The following NCOA7 variants were observed in gnomAD, a reference collection of about 807,000 sequenced individuals.
NCOA7 encodes the protein nuclear receptor coactivator 7.
In NCOA7, 45 loss-of-function variants were observed where a neutral mutation model predicts 104.3. The observed-to-expected ratio is 0.43, with a 90% CI of 0.34 to 0.55. The LOEUF is 0.55. Ranked by LOEUF, NCOA7 falls within the 20% of genes least tolerant of loss-of-function variation. NCOA7 has a pLI of 0.02. For missense variants in NCOA7, 1,041 were observed against 1,119.7 expected, an observed-to-expected ratio of 0.93 and a Z score of 1.00; for synonymous variants, 398 against 402.3, an observed-to-expected ratio of 0.99 and a Z score of 0.13.
chr6:125,928,110 A>G (rs1443228886), intron 14 of NCOA7, 64 bp from the exon 15 acceptor site: 4 of 1,422,406 alleles, frequency 2.8e-6, no homozygotes, highest in Non-Finnish European at 3.0e-6. Flanking sequence ...ACTATTTCAT[A>G]TTTCCTCATT....
In NCOA7 at chr6:125,856,498, A is replaced by G. The variant is rs1185953193; in HGVS notation, c.271+1258A>G. Among the ~76,000 whole-genome samples, 12 of 151,810 alleles carry G rather than the reference A, an allele frequency of 7.9e-5. No homozygotes were observed. In the East Asian group the frequency reaches 2.1e-3, roughly 27 times the overall value. ...CTCCCGAGTAGCTGGGACTAGAGGC[A>G]CCCGCCACCACGCCCGGCTAATTTT... On this transcript the variant is annotated intron_variant, in intron 3 of 15. Transcript: ENST00000392477.
chr6:125,900,577 T>C (rs1473312299), intron 10 of NCOA7, among the ~76,000 whole-genome samples: 1 of 152,232 alleles, frequency 6.6e-6, no homozygotes, highest in Non-Finnish European at 1.5e-5. Context: ...TATGTGTACA[T>C]TGTGAAATAT....
At chr6:125,809,274 C>T (rs112050549) in intron 1 of NCOA7, among the ~76,000 whole-genome samples, 1 of 151,930 alleles carries the variant, frequency 6.6e-6, no homozygotes, top group African/African-American at 2.4e-5. Flanking sequence ...CTGCAACCTC[C>T]GCCTCTCAGG....
intron 7 of NCOA7, 105 bp from the exon 8 acceptor site, chr6:125,885,054 T>G (rs1562978361): frequency 6.9e-6 from 8 of 1,156,988 alleles, no homozygotes; most frequent in Non-Finnish European, 1.0e-5. Context: ...GATACTGTGG[T>G]TCACAAAGTC....
At chr6:125,781,817 C>T (rs994073843) in intron 1 of NCOA7, among the ~76,000 whole-genome samples, 7 of 152,238 alleles carry the variant, frequency 4.6e-5, no homozygotes, top group African/African-American at 1.4e-4. Flanking sequence ...TTCTGTATCT[C>T]CCAGAAATAA....
chr6:125,788,540 CTTT>C (rs59616110), upstream of NCOA7, among the ~76,000 whole-genome samples: 1 of 141,532 alleles, frequency 7.1e-6, no homozygotes, highest in Admixed American at 7.1e-5. Context: ...TTTGGAAGAC[CTTT>C]TTTTTTTTTT....
intron 13 of NCOA7, among the ~76,000 whole-genome samples, chr6:125,925,951 A>G (rs1171580664): frequency 6.6e-6 from 1 of 152,234 alleles, no homozygotes; most frequent in Non-Finnish European, 1.5e-5. Context: ...TAACAAAATT[A>G]ACAGTAATTC....
At chr6:125,919,065 G>C (rs1360056041) in intron 11 of NCOA7, among the ~76,000 whole-genome samples, 2 of 152,154 alleles carry the variant, frequency 1.3e-5, no homozygotes, top group Non-Finnish European at 2.9e-5. Context: ...ATGAACAATG[G>C]GGTTTTATCA....
chr6:125,896,667 T>TGTAGTTC (rs1785047173), intron 10 of NCOA7, among the ~76,000 whole-genome samples: 1 of 152,094 alleles, frequency 6.6e-6, no homozygotes. Context: ...GGCACACACC[T>TGTAGTTC]GTAGTTCCCA....
chr6:125,846,134 G>C (rs1187247704), intron 2 of NCOA7, among the ~76,000 whole-genome samples: 3 of 151,924 alleles, frequency 2.0e-5, no homozygotes, highest in African/African-American at 7.3e-5. Flanking sequence ...GCAGTGTTTT[G>C]TTGTTGTTCT....
intron 13 of NCOA7, 21 bp from the exon 14 acceptor site, chr6:125,927,642 A>G (rs1788151090): frequency 6.3e-7 from 1 of 1,587,564 alleles, no homozygotes; most frequent in Non-Finnish European, 8.7e-7. Context: ...TGTAGGTAAC[A>G]TTTCTGTTTT....
At position 125,880,475 on chromosome 6, in the gene NCOA7, C is replaced by A. The variant is rs184026776; in HGVS notation, c.460-615C>A. On this transcript the variant is annotated intron_variant, in intron 5 of 15. Transcript: ENST00000392477. Reference sequence around the variant, plus strand: ...TCACTTGGCCTGCCCAGAATACTTACCCACCTTGCTCTCTCTTTTCTTTTT... The same window carrying A: ...TCACTTGGCCTGCCCAGAATACTTAACCACCTTGCTCTCTCTTTTCTTTTT... Among the ~76,000 whole-genome samples, 84 of 151,898 alleles carry A rather than the reference C, an allele frequency of 5.5e-4. 1 individual carries two copies. Among genetic ancestry groups the A allele is most frequent in the Admixed American group, 1.4e-3 (21 of 15,250 alleles).
upstream of NCOA7, among the ~76,000 whole-genome samples, chr6:125,789,529 C>T (rs73582390): frequency 0.15 from 22,388 of 152,170 alleles, 2,562 homozygotes; most frequent in African/African-American, 0.32. Context: ...GCTCTTTATA[C>T]TTTAGGAACC....
At chr6:125,850,847 C>T (rs1781062184) in intron 2 of NCOA7, among the ~76,000 whole-genome samples, 1 of 152,036 alleles carries the variant, frequency 6.6e-6, no homozygotes, top group African/African-American at 2.4e-5. Flanking sequence ...GATAAGCCTC[C>T]CAATGTAAAG....
chr6:125,812,278 T>C (rs553189504), intron 1 of NCOA7, among the ~76,000 whole-genome samples: 1 of 152,264 alleles, frequency 6.6e-6, no homozygotes, highest in South Asian at 2.1e-4. Flanking sequence ...ACTTTACCCA[T>C]TGAAATCCTA....
intron 3 of NCOA7, among the ~76,000 whole-genome samples, chr6:125,860,894 T>G (rs930410134): frequency 6.6e-6 from 1 of 152,162 alleles, no homozygotes; most frequent in African/African-American, 2.4e-5. Flanking sequence ...ATGTAATGTT[T>G]TAATATAAAA....
intron 2 of NCOA7, among the ~76,000 whole-genome samples, chr6:125,854,175 T>C (rs1421386240): frequency 1.3e-5 from 2 of 152,200 alleles, no homozygotes; most frequent in Non-Finnish European, 2.9e-5. Flanking sequence ...GTACAACATA[T>C]ACTAGAGGCC....
At chr6:125,833,308 CGGGCTTG>C (rs1779335936) in intron 2 of NCOA7, among the ~76,000 whole-genome samples, 1 of 152,026 alleles carries the variant, frequency 6.6e-6, no homozygotes, top group Non-Finnish European at 1.5e-5. Context: ...TGGGGCTGGC[CGGGCTTG>C]GTGGCTCACA....
intron 1 of NCOA7, among the ~76,000 whole-genome samples, chr6:125,799,139 A>C (rs911015214): frequency 1.3e-5 from 2 of 152,068 alleles, no homozygotes; most frequent in Non-Finnish European, 2.9e-5. Flanking sequence ...TCTACATTTC[A>C]TGCACTCAGC....
Sources: gnomAD v4.1 joint callset for allele counts (sites outside exome capture counted in the v4.1 genomes callset) on GRCh38, gnomAD v4.1.1 for gene constraint, MANE v1.5 for transcripts, NCBI Gene and HGNC (gene_info 2026-07-23, HGNC 2026-07-21) for gene names.